FRAS1: variants seen among roughly 807,000 people sequenced by gnomAD.
FRAS1 encodes the protein Fraser extracellular matrix complex subunit 1.
In FRAS1, 290 loss-of-function variants were observed where a neutral mutation model predicts 435.2. The ratio of observed to expected loss-of-function variants is 0.67; its 90% CI spans 0.61 to 0.73. The LOEUF (loss-of-function observed/expected upper bound fraction) is 0.73, where lower values mean the gene tolerates loss of function less well. Ranked by LOEUF, FRAS1 falls within the 30% of genes least tolerant of loss-of-function variation. FRAS1 has a pLI of 0.00. For missense variants in FRAS1, 4,860 were observed against 5,001.5 expected, an observed-to-expected ratio of 0.97 and a Z score of 0.85; for synonymous variants, 1,800 against 1,851.0, an observed-to-expected ratio of 0.97 and a Z score of 0.71.
chr4:78,443,012 G>A (rs1447871095), intron 41 of FRAS1, among the ~76,000 whole-genome samples: 2 of 152,204 alleles, frequency 1.3e-5, no homozygotes, highest in African/African-American at 4.8e-5. Flanking sequence ...CCCCATGGAA[G>A]AGGCTCCTCC....
intron 2 of FRAS1, 74 bp downstream of exon 2, chr4:78,066,090 A>T (rs1335854604): frequency 3.1e-6 from 3 of 983,156 alleles, no homozygotes; most frequent in Non-Finnish European, 1.6e-6. Flanking sequence ...TGAGTGAGTG[A>T]GTTGACCCTA....
intron 23 of FRAS1, among the ~76,000 whole-genome samples, chr4:78,370,659 G>A (rs779309620): frequency 1.5e-4 from 23 of 152,298 alleles, no homozygotes; most frequent in Admixed American, 3.3e-4. Flanking sequence ...GTCAGGAGTC[G>A]TGTCTGATGT....
At chr4:78,214,959 T>C (rs931287322) in intron 2 of FRAS1, among the ~76,000 whole-genome samples, 2 of 152,100 alleles carry the variant, frequency 1.3e-5, no homozygotes, top group Admixed American at 6.6e-5. Flanking sequence ...TTAATGACTA[T>C]GTCAAAGGTG....
At chr4:78,218,429 A>T (rs1251626857) in intron 2 of FRAS1, among the ~76,000 whole-genome samples, 1 of 152,140 alleles carries the variant, frequency 6.6e-6, no homozygotes, top group Admixed American at 6.5e-5. Context: ...GCATTTCCCA[A>T]GTTCAATACA....
chr4:78,481,716 T>C, intron 56 of FRAS1, 88 bp from the exon 57 acceptor site: 2 of 1,428,978 alleles, frequency 1.4e-6, no homozygotes, highest in Non-Finnish European at 2.0e-6. Context: ...GCTGCCACTA[T>C]TGCAGTGAGG....
At chr4:78,231,724 T>C (rs1257814054) in intron 2 of FRAS1, among the ~76,000 whole-genome samples, 1 of 152,154 alleles carries the variant, frequency 6.6e-6, no homozygotes. Flanking sequence ...TTATTGTTTA[T>C]TATTAGCATT....
intron 50 of FRAS1, among the ~76,000 whole-genome samples, chr4:78,466,966 G>GTA (rs1472532167): frequency 6.6e-6 from 1 of 151,864 alleles, no homozygotes; most frequent in Non-Finnish European, 1.5e-5. Flanking sequence ...TACATAGTAG[G>GTA]TATATATATT....
In FRAS1 at chr4:78,218,096, T is replaced by TCACACACACACACA. The variant is rs1331078788; in HGVS notation, c.109-19413_109-19412insACACACACACACAC. ...TCCCTTCTCTCTCTCTCTCACTCTC[T>TCACACACACACACA]CTCACACACACACACACACACACAC... On this transcript the variant is annotated intron_variant, in intron 2 of 73. Transcript: ENST00000512123. Among the ~76,000 whole-genome samples the TCACACACACACACA allele has an allele frequency of 1.9e-3, 20 of 10,722 alleles. 1 individual carries two copies. The highest frequency in any genetic ancestry group is 4.9e-3 in the Non-Finnish European group (12 of 2,438). 7.0% of individuals were successfully genotyped at this position (10,722 alleles called of 152,430 possible).
intron 50 of FRAS1, among the ~76,000 whole-genome samples, chr4:78,468,777 T>C (rs376789477): frequency 6.6e-6 from 1 of 152,198 alleles, no homozygotes; most frequent in East Asian, 1.9e-4. Flanking sequence ...CCTACATCTG[T>C]GTCTGACCTG....
intron 67 of FRAS1, among the ~76,000 whole-genome samples, chr4:78,520,725 A>G (rs1319829148): frequency 6.6e-6 from 1 of 152,188 alleles, no homozygotes; most frequent in African/African-American, 2.4e-5. Flanking sequence ...TTTTATTCTT[A>G]TATTTTCTAT....
chr4:78,286,414 C>T lies in FRAS1; in HGVS notation c.1409C>T (p.Pro470Leu). 1 of 1,613,582 alleles carries T rather than the reference C, an allele frequency of 6.2e-7. No homozygotes were observed. Among genetic ancestry groups the T allele is most frequent in the East Asian group, 2.2e-5 (1 of 44,884 alleles). ...CATTATCTGGAGTCAGCCTGCCAGC[C>T]CCAGTGCTCCACGTGTACCAGTGGG... Reference protein sequence around the residue: ...QAGSLCLACQPQCSTCTSGLE... With the variant: ...QAGSLCLACQLQCSTCTSGLE... Residue 470 changes from proline (P) to leucine (L), a missense_variant, in exon 14 of 74, where the codon CCC becomes CTC. By Grantham distance (98) the Pro-to-Leu change is moderately conservative (BLOSUM62 -3). Transcript: ENST00000512123.
At chr4:78,344,819 G>A (rs956800486) in intron 20 of FRAS1, among the ~76,000 whole-genome samples, 6 of 152,204 alleles carry the variant, frequency 3.9e-5, no homozygotes, top group South Asian at 2.1e-4. Context: ...AAAGAAAAAC[G>A]TTAATGCATA....
chr4:78,094,809 A>G (rs901490124), intron 2 of FRAS1, among the ~76,000 whole-genome samples: 1 of 152,196 alleles, frequency 6.6e-6, no homozygotes, highest in African/African-American at 2.4e-5. Context: ...GTTTAGATCC[A>G]TGTTCTATTT....
chr4:78,119,742 T>C (rs1200429899), intron 2 of FRAS1, among the ~76,000 whole-genome samples: 1 of 152,192 alleles, frequency 6.6e-6, no homozygotes, highest in Non-Finnish European at 1.5e-5. Flanking sequence ...AGGATGCTAA[T>C]TCAGCGAGAT....
intron 70 of FRAS1, among the ~76,000 whole-genome samples, chr4:78,530,333 G>C (rs1031520448): frequency 2.0e-5 from 3 of 152,002 alleles, no homozygotes; most frequent in Non-Finnish European, 2.9e-5. Flanking sequence ...TGTTGCTGAG[G>C]ATACTGAGGC....
intron 2 of FRAS1, among the ~76,000 whole-genome samples, chr4:78,186,061 T>C (rs569447236): frequency 1.3e-5 from 2 of 152,358 alleles, no homozygotes; most frequent in South Asian, 4.1e-4. Context: ...GACATATAGC[T>C]GTTTGGTAAC....
At chr4:78,147,326 C>T (rs924500882) in intron 2 of FRAS1, among the ~76,000 whole-genome samples, 1 of 152,106 alleles carries the variant, frequency 6.6e-6, no homozygotes, top group African/African-American at 2.4e-5. Context: ...TGAACAGTTA[C>T]GGAGCTGAGT....
At chr4:78,481,232 C>T (rs557915664) in intron 56 of FRAS1, among the ~76,000 whole-genome samples, 1 of 152,324 alleles carries the variant, frequency 6.6e-6, no homozygotes, top group South Asian at 2.1e-4. Flanking sequence ...TCACAGTGGA[C>T]AGGAAGATGA....
chr4:78,172,420 T>A (rs1721597974), intron 2 of FRAS1, among the ~76,000 whole-genome samples: 1 of 152,206 alleles, frequency 6.6e-6, no homozygotes. Flanking sequence ...CCAGAAATTT[T>A]CATTTAATGA....
Sources: gnomAD v4.1 joint callset for allele counts (sites outside exome capture counted in the v4.1 genomes callset) on GRCh38, gnomAD v4.1.1 for gene constraint, MANE v1.5 for transcripts, NCBI Gene and HGNC (gene_info 2026-07-23, HGNC 2026-07-21) for gene names.